Variants in COL21A1 observed in about 807,000 individuals in gnomAD.
The protein encoded by COL21A1 is collagen alpha-1(XXI) chain.
In COL21A1, 149 loss-of-function variants were observed where a neutral mutation model predicts 137.9. The observed-to-expected ratio is 1.08, with a 90% confidence interval of 0.95 to 1.24. The LOEUF is 1.24. Ranked by LOEUF, COL21A1 falls within the 50% of genes most tolerant of loss-of-function variation. The pLI is 0.00. For synonymous variants in COL21A1, 456 were observed against 391.5 expected, an observed-to-expected ratio of 1.16 and a Z score of -1.95; for missense variants, 1,167 against 1,158.4, an observed-to-expected ratio of 1.01 and a Z score of -0.11.
intron 1 of COL21A1, among the ~76,000 whole-genome samples, chr6:56,229,228 T>G (rs1048749305): frequency 9.9e-5 from 15 of 151,684 alleles, no homozygotes; most frequent in Non-Finnish European, 7.4e-5. Context: ...AAAAAAAAAT[T>G]TTTTTTAATT....
intron 1 of COL21A1, among the ~76,000 whole-genome samples, chr6:56,341,790 T>C (rs1339120783): frequency 6.6e-6 from 1 of 152,096 alleles, no homozygotes. Flanking sequence ...GTGCAGGCAG[T>C]TGATAGTGAG....
At chr6:56,200,962 C>A (rs1352025346) in intron 1 of COL21A1, among the ~76,000 whole-genome samples, 5 of 152,086 alleles carry the variant, frequency 3.3e-5, no homozygotes, top group African/African-American at 1.2e-4. Context: ...CTCTCCAGCA[C>A]CTGTTGTTTC....
chr6:56,292,994 G>A lies in COL21A1; in HGVS notation c.-39+100977C>T, dbSNP rs73745443. Among the ~76,000 whole-genome samples, 473 of 152,164 alleles carry A rather than the reference G, an allele frequency of 3.1e-3. 4 individuals are homozygous for A. Among genetic ancestry groups the A allele is most frequent in the African/African-American group, 0.011 (442 of 41,516 alleles). On this transcript the variant is annotated intron_variant, in intron 1 of 28. Coordinates refer to the COL21A1 transcript ENST00000370819. ...TCAATTTTATGCTTAAAAATTTATA[G>A]TATGCTTTTATCATTAGACTAGCTC... is the stretch of plus-strand genomic sequence containing the variant.
intron 1 of COL21A1, among the ~76,000 whole-genome samples, chr6:56,259,892 C>T (rs924117441): frequency 1.3e-5 from 2 of 152,222 alleles, no homozygotes; most frequent in Admixed American, 6.5e-5. Context: ...AAACACATGG[C>T]ACACAGCCAG....
intron 1 of COL21A1, among the ~76,000 whole-genome samples, chr6:56,183,622 A>G (rs1778063817): frequency 6.6e-6 from 1 of 152,184 alleles, no homozygotes; most frequent in South Asian, 2.1e-4. Context: ...CTTCCTCTCC[A>G]GGTACCCAGA....
chr6:56,075,419 T>C (rs1222147491), intron 19 of COL21A1, 60 bp downstream of exon 19: 5 of 1,311,932 alleles, frequency 3.8e-6, no homozygotes, highest in Non-Finnish European at 5.3e-6. Context: ...TATGAACTCC[T>C]AGTAGGTAGT....
chr6:56,392,269 CA>C (rs917584657), intron 1 of COL21A1, among the ~76,000 whole-genome samples: 4 of 151,550 alleles, frequency 2.6e-5, no homozygotes, highest in Admixed American at 1.3e-4. Flanking sequence ...CAATTGATGA[CA>C]AAAAAAATTT....
intron 1 of COL21A1, among the ~76,000 whole-genome samples, chr6:56,294,032 C>A (rs912197553): frequency 2.6e-5 from 4 of 152,102 alleles, no homozygotes; most frequent in Non-Finnish European, 5.9e-5. Context: ...TAAAATAAAA[C>A]CACAAAATTG....
intron 18 of COL21A1, among the ~76,000 whole-genome samples, chr6:56,076,714 T>C (rs1767277024): frequency 6.6e-6 from 1 of 151,256 alleles, no homozygotes; most frequent in African/African-American, 2.4e-5. Flanking sequence ...TATGGAAATA[T>C]GGTAGGTAAT....
intron 1 of COL21A1, among the ~76,000 whole-genome samples, chr6:56,305,593 T>C (rs1345611680): frequency 6.6e-6 from 1 of 152,224 alleles, no homozygotes; most frequent in Non-Finnish European, 1.5e-5. Context: ...TTGGTAGATC[T>C]TCCTCCATCC....
chr6:56,077,470 G>A, intron 18 of COL21A1, 59 bp downstream of exon 18: 2 of 1,062,764 alleles, frequency 1.9e-6, no homozygotes, highest in Non-Finnish European at 2.8e-6. Flanking sequence ...TTTTATTGTA[G>A]ACAACAATGC....
intron 1 of COL21A1, among the ~76,000 whole-genome samples, chr6:56,283,874 A>ACACACTCT (rs375116485): frequency 6.2e-5 from 9 of 146,188 alleles, no homozygotes; most frequent in Non-Finnish European, 9.0e-5. Context: ...TCACACACAC[A>ACACACTCT]CTCTCTCTCT....
At chr6:56,057,889 T>C (rs922476145) in intron 29 of COL21A1, 45 bp from the exon 30 acceptor site, 2 of 1,360,452 alleles carry the variant, frequency 1.5e-6, no homozygotes. Context: ...ACTTTAGTTT[T>C]TTATAATGAA....
intron 3 of COL21A1, among the ~76,000 whole-genome samples, chr6:56,176,319 ACT>A (rs1172706877): frequency 6.6e-6 from 1 of 152,030 alleles, no homozygotes; most frequent in Non-Finnish European, 1.5e-5. Context: ...GAGAAAAAAA[ACT>A]CTGTAAAAAG....
intron 16 of COL21A1, among the ~76,000 whole-genome samples, chr6:56,106,187 C>T (rs1184134646): frequency 6.6e-6 from 1 of 152,110 alleles, no homozygotes; most frequent in African/African-American, 2.4e-5. Context: ...AAGCTTTTTT[C>T]TCCTTCTGCC....
At chr6:56,325,994 AT>A (rs1562057991) in intron 1 of COL21A1, among the ~76,000 whole-genome samples, 17 of 4,206 alleles carry the variant, frequency 4.0e-3, no homozygotes, top group African/African-American at 0.013. Flanking sequence ...ATATATGTAT[AT>A]ACATACATAT....
intron 1 of COL21A1, among the ~76,000 whole-genome samples, chr6:56,221,021 GTTC>G (rs1371284013): frequency 6.6e-6 from 1 of 152,092 alleles, no homozygotes; most frequent in African/African-American, 2.4e-5. Flanking sequence ...ATATTTTGTA[GTTC>G]TTCTTCATGC....
upstream of COL21A1, among the ~76,000 whole-genome samples, chr6:56,248,010 A>G (rs1372209923): frequency 1.3e-5 from 2 of 152,202 alleles, no homozygotes; most frequent in East Asian, 3.9e-4. Flanking sequence ...CAAAAGTAAC[A>G]GCTGCTCCAA....
chr6:56,325,629 TATATATAATATATAATATA>T (rs1765034241), intron 1 of COL21A1, among the ~76,000 whole-genome samples: 28 of 534 alleles, frequency 0.052, 8 homozygotes, highest in Non-Finnish European at 0.32. Flanking sequence ...AATAATCTAT[TATATATAATATATAATATA>T]ATATATTATA....
Sources: allele counts gnomAD v4.1 joint callset (sites outside exome capture counted in the v4.1 genomes callset), GRCh38; gene constraint gnomAD v4.1.1; transcripts MANE v1.5; gene names NCBI Gene and HGNC (gene_info 2026-07-23, HGNC 2026-07-21).